KIAA0825: variants seen among roughly 807,000 people sequenced by gnomAD.
The protein encoded by KIAA0825 is uncharacterized protein KIAA0825.
A neutral mutation model predicts 147.6 loss-of-function variants in KIAA0825; 119 were observed. The observed-to-expected ratio is 0.81, with a 90% confidence interval of 0.69 to 0.94. KIAA0825 has a LOEUF of 0.94. Among genes scored for constraint, KIAA0825 ranks in the 40% least tolerant of loss-of-function variants. KIAA0825 has a pLI of 0.00. For missense variants in KIAA0825, 1,381 were observed against 1,472.7 expected (o/e 0.94, Z 1.02); for synonymous variants, 470 against 518.1 (o/e 0.91, Z 1.26).
intron 6 of KIAA0825, among the ~76,000 whole-genome samples, chr5:94,477,760 C>T (rs1395493271): frequency 6.6e-6 from 1 of 152,018 alleles, no homozygotes. Context: ...AAAATAATCC[C>T]TAGTTCCGAA....
At chr5:94,295,747 G>C (rs887958666) in intron 20 of KIAA0825, among the ~76,000 whole-genome samples, 3 of 152,208 alleles carry the variant, frequency 2.0e-5, no homozygotes, top group Non-Finnish European at 4.4e-5. Flanking sequence ...GGTATCACCA[G>C]CAGAGGCTGC....
At chr5:94,403,858 T>C in intron 15 of KIAA0825, 65 bp from the exon 16 acceptor site, 1 of 1,330,178 alleles carries the variant, frequency 7.5e-7, no homozygotes, top group East Asian at 2.5e-5. Context: ...CTTGCTCAAC[T>C]AGAATTCAGT....
At chr5:94,180,071 C>T (rs1353306028) in intron 20 of KIAA0825, among the ~76,000 whole-genome samples, 1 of 151,876 alleles carries the variant, frequency 6.6e-6, no homozygotes, top group Non-Finnish European at 1.5e-5. Context: ...CCCCAAAGTA[C>T]TTAGTAATTA....
At chr5:94,570,250 C>T (rs1779687770) in intron 2 of KIAA0825, 1 of 152,726 alleles carries the variant, frequency 6.5e-6, no homozygotes, top group Non-Finnish European at 1.5e-5. Flanking sequence ...TTTTCCTCCT[C>T]ACCCTATTAA....
chr5:94,155,132 A>G (rs1014022883), intron 20 of KIAA0825, among the ~76,000 whole-genome samples: 3 of 152,238 alleles, frequency 2.0e-5, no homozygotes, highest in Admixed American at 2.0e-4. Flanking sequence ...CCAGACAACA[A>G]ATAGTCTGTC....
chr5:94,152,863 T>TAC lies in KIAA0825; in HGVS notation c.*1143_*1144insGT, dbSNP rs1766667483. On this transcript the variant is annotated 3_prime_UTR_variant, in exon 21 of 21. Coordinates refer to ENST00000682413, the MANE Select transcript of KIAA0825 (RefSeq NM_001145678.3). The stretch of plus-strand genomic sequence containing the variant: ...AAAAAAAAAAAAAAAAAATTATATA[T>TAC]ATATATATATATATATATATATATA... The TAC allele has an allele frequency of 5.9e-4, 3 of 5,078 alleles. No homozygotes were observed. The highest frequency in any genetic ancestry group is 7.0e-4 in the Non-Finnish European group (2 of 2,872). The allele number at this position is 5,078 out of a possible 1,614,324, so 0.3% of individuals were successfully genotyped here. A position where few individuals can be genotyped will look rare whatever the true frequency, so the allele number is the denominator to read the frequency against.
intron 20 of KIAA0825, among the ~76,000 whole-genome samples, chr5:94,309,227 A>T (rs1320631545): frequency 6.6e-6 from 1 of 151,496 alleles, no homozygotes; most frequent in East Asian, 1.9e-4. Flanking sequence ...GCCCCCAAAG[A>T]ATTTTCATTT....
intron 6 of KIAA0825, among the ~76,000 whole-genome samples, chr5:94,480,577 T>C (rs1290834316): frequency 2.6e-5 from 4 of 152,086 alleles, no homozygotes; most frequent in East Asian, 3.8e-4. Context: ...CTGTCTGCTA[T>C]TGTGTAGCTA....
At chr5:94,235,676 G>C (rs1355417509) in intron 20 of KIAA0825, among the ~76,000 whole-genome samples, 3 of 152,182 alleles carry the variant, frequency 2.0e-5, no homozygotes, top group Admixed American at 2.0e-4. Flanking sequence ...AGTTAGAGAG[G>C]TGAGGTCAAT....
Position 94,453,083 on chromosome 5 carries a change from A to C in KIAA0825, c.2247-14T>G. 7.5e-7 allele frequency: 1 copy of C among 1,337,560 alleles called. No homozygotes were observed. Among genetic ancestry groups the C allele is most frequent in the Non-Finnish European group, 1.0e-6 (1 of 981,042 alleles). 82.9% of individuals were successfully genotyped at this position (1,337,560 alleles called of 1,614,324 possible). On this transcript the variant is annotated splice_polypyrimidine_tract_variant and intron_variant, in intron 12 of 20. Coordinates refer to ENST00000682413, the MANE Select transcript of KIAA0825 (RefSeq NM_001145678.3). ...TGCTGAAAAGTCCTAGGGAAATACAAATAATTAGTTTAGAATATACAGGAA... is the reference window on the plus strand; with the variant it reads ...TGCTGAAAAGTCCTAGGGAAATACACATAATTAGTTTAGAATATACAGGAA...
chr5:94,194,427 C>T (rs1770945216), intron 20 of KIAA0825, among the ~76,000 whole-genome samples: 1 of 152,150 alleles, frequency 6.6e-6, no homozygotes, highest in Admixed American at 6.5e-5. Flanking sequence ...ACCATGAGGC[C>T]AGTGACCCCC....
intron 19 of KIAA0825, among the ~76,000 whole-genome samples, chr5:94,385,880 G>T (rs1749071236): frequency 6.6e-6 from 1 of 152,112 alleles, no homozygotes; most frequent in African/African-American, 2.4e-5. Flanking sequence ...CGTAAAGGTT[G>T]CAAGGTATTT....
chr5:94,500,703 G>C (rs1362841940), intron 5 of KIAA0825, among the ~76,000 whole-genome samples: 1 of 152,142 alleles, frequency 6.6e-6, no homozygotes, highest in Non-Finnish European at 1.5e-5. Flanking sequence ...TTCACACACA[G>C]TGACTGTTGG....
At chr5:94,512,692 G>A (rs567205588) in intron 5 of KIAA0825, among the ~76,000 whole-genome samples, 2 of 151,618 alleles carry the variant, frequency 1.3e-5, no homozygotes, top group Admixed American at 1.3e-4. Context: ...TCAGGAGTTT[G>A]AGACCAGCCT....
rs1313984060 is a variant in KIAA0825, at chr5:94,152,843, AAAAAAAAAAAAATTATATAT to A, written c.*1144_*1163del. 225 of 35,674 alleles carry A rather than the reference AAAAAAAAAAAAATTATATAT, an allele frequency of 6.3e-3. 7 individuals carry two copies. Among genetic ancestry groups the A allele is most frequent in the Middle Eastern group, 0.012 (1 of 86 alleles). 2.2% of individuals were successfully genotyped at this position (35,674 alleles called of 1,614,324 possible). ...AATGAAAAAAAAAAAAAAAAAAAAA[AAAAAAAAAAAAATTATATAT>A]ATATATATATATATATATATATATA... On this transcript the variant is annotated 3_prime_UTR_variant, in exon 21 of 21. Coordinates refer to ENST00000682413, the MANE Select transcript of KIAA0825 (RefSeq NM_001145678.3).
chr5:94,417,745 T>G (rs1201645235), intron 14 of KIAA0825, among the ~76,000 whole-genome samples: 1 of 152,176 alleles, frequency 6.6e-6, no homozygotes, highest in East Asian at 1.9e-4. Context: ...AAAAAATTTT[T>G]TTGTAATCTG....
chr5:94,581,888 A>C (rs535443455), intron 2 of KIAA0825, among the ~76,000 whole-genome samples: 1 of 152,224 alleles, frequency 6.6e-6, no homozygotes, highest in South Asian at 2.1e-4. Flanking sequence ...GCCTTTTATA[A>C]ATTATTCGTC....
intron 20 of KIAA0825, among the ~76,000 whole-genome samples, chr5:94,286,933 C>T (rs1038215591): frequency 1.3e-5 from 2 of 152,098 alleles, no homozygotes; most frequent in African/African-American, 4.8e-5. Context: ...AGGCTAGTTC[C>T]ACACCTCCCT....
intron 20 of KIAA0825, among the ~76,000 whole-genome samples, chr5:94,332,160 CA>C (rs34035583): frequency 0.41 from 38,639 of 93,546 alleles, 5,107 homozygotes; most frequent in Middle Eastern, 0.47. Flanking sequence ...GACTCCATCT[CA>C]AAAAAAAAAA....
Sources: gnomAD v4.1 joint callset for allele counts (sites outside exome capture counted in the v4.1 genomes callset) on GRCh38, gnomAD v4.1.1 for gene constraint, MANE v1.5 for transcripts, NCBI Gene and HGNC (gene_info 2026-07-23, HGNC 2026-07-21) for gene names.